Variants in CACNG6 observed in about 807,000 individuals in gnomAD.
CACNG6 encodes the protein calcium voltage-gated channel auxiliary subunit gamma 6, also known as voltage-dependent calcium channel gamma-6 subunit.
In CACNG6, 21 loss-of-function variants were observed where a neutral mutation model predicts 23.9. That is an observed-to-expected ratio of 0.88 (90% CI 0.62 to 1.26). The LOEUF (loss-of-function observed/expected upper bound fraction) is 1.26, where lower values mean the gene tolerates loss of function less well. CACNG6 is among the 50% of genes most tolerant of loss of function. The pLI, the probability that CACNG6 is intolerant of heterozygous loss-of-function variation, is 0.00. For missense variants in CACNG6, 340 were observed against 352.9 expected, an observed-to-expected ratio of 0.96 and a Z score of 0.29; for synonymous variants, 182 against 168.9, an observed-to-expected ratio of 1.08 and a Z score of -0.60.
rs1408374675 is a variant in CACNG6, at chr19:54,002,276, TTTTTTTTG to T, written c.544+2513_544+2520del. On this transcript the variant is annotated intron_variant, in intron 3 of 3. Coordinates refer to ENST00000252729, the MANE Select transcript of CACNG6 (RefSeq NM_145814.2). The stretch of plus-strand genomic sequence containing the variant: ...GCCCGGCTAATTTTCGGTTTTTTTG[TTTTTTTTG>T]TTTTTTTTTTTTTTGTAGAGATAGG... Among the ~76,000 whole-genome samples, 88 of 122,576 alleles carry T rather than the reference TTTTTTTTG, an allele frequency of 7.2e-4. 1 individual carries two copies. Among genetic ancestry groups the T allele is most frequent in the Middle Eastern group, 3.6e-3 (1 of 276 alleles). 80.4% of individuals were successfully genotyped at this position (122,576 alleles called of 152,430 possible).
chr19:54,008,148 T>C (rs1568818410), intron 3 of CACNG6, among the ~76,000 whole-genome samples: 1 of 151,498 alleles, frequency 6.6e-6, no homozygotes, highest in African/African-American at 2.4e-5. Context: ...AGGTCAGGAG[T>C]TTGAGACCAG....
intron 3 of CACNG6, among the ~76,000 whole-genome samples, chr19:54,004,636 C>A (rs889252009): frequency 2.0e-5 from 3 of 152,122 alleles, no homozygotes; most frequent in African/African-American, 7.2e-5. Context: ...TGACTCCCGG[C>A]GCCCTGCGAC....
Position 54,002,266 on chromosome 19 carries a change from G to GT in CACNG6, c.544+2495_544+2496insT, listed in dbSNP as rs1477319879. ...ATGCCGCCAAGCCCGGCTAATTTTC[G>GT]GTTTTTTTGTTTTTTTTGTTTTTTT... On this transcript the variant is annotated intron_variant, in intron 3 of 3. Transcript: ENST00000252729. Among the ~76,000 whole-genome samples, 199 of 126,390 alleles carry GT rather than the reference G, an allele frequency of 1.6e-3. 4 individuals are homozygous for GT. The highest frequency in any genetic ancestry group is 6.7e-3 in the African/African-American group (178 of 26,504). The allele number at this position is 126,390 out of a possible 152,430, so 82.9% of individuals were successfully genotyped here.
chr19:54,004,041 G>A (rs375181280), intron 3 of CACNG6, among the ~76,000 whole-genome samples: 5 of 152,222 alleles, frequency 3.3e-5, no homozygotes, highest in African/African-American at 1.2e-4. Context: ...ATTATTTGCA[G>A]AGATGAGGTC....
intron 1 of CACNG6, among the ~76,000 whole-genome samples, chr19:53,994,545 A>G (rs112171326): frequency 3.1e-4 from 47 of 152,202 alleles, no homozygotes; most frequent in African/African-American, 1.1e-3. Context: ...CATGGAAAAT[A>G]CCTGGCACTC....
intron 3 of CACNG6, among the ~76,000 whole-genome samples, chr19:54,010,716 A>G (rs1270628551): frequency 6.6e-6 from 1 of 151,920 alleles, no homozygotes; most frequent in Non-Finnish European, 1.5e-5. Flanking sequence ...CTGGGACTAC[A>G]AGCGTGCACC....
chr19:54,011,205 A>AAAAATATATATATATATATATAT (rs58054808), intron 3 of CACNG6, among the ~76,000 whole-genome samples: 6 of 102,500 alleles, frequency 5.9e-5, no homozygotes, highest in Non-Finnish European at 1.0e-4. Flanking sequence ...AAAAAAAAAA[A>AAAAATATATATATATATATATAT]ATATATATAT....
intron 1 of CACNG6, among the ~76,000 whole-genome samples, chr19:53,996,849 G>T (rs916627530): frequency 7.1e-6 from 1 of 141,400 alleles, no homozygotes; most frequent in Admixed American, 7.1e-5. Context: ...TATTGATTTT[G>T]TCTGATCTTT....
intron 3 of CACNG6, among the ~76,000 whole-genome samples, chr19:54,007,120 C>T (rs8104769): frequency 0.026 from 3,914 of 152,232 alleles, 175 homozygotes; most frequent in African/African-American, 0.088. Flanking sequence ...TCGATCTCAG[C>T]TCACTGCAGC....
intron 2 of CACNG6, among the ~76,000 whole-genome samples, 174 bp downstream of exon 2, chr19:53,998,487 G>T (rs1314563114): frequency 6.7e-6 from 1 of 150,256 alleles, no homozygotes; most frequent in Non-Finnish European, 1.5e-5. Flanking sequence ...TGGGGACATG[G>T]TGCTCTAGAG....
chr19:53,998,414 G>A, intron 2 of CACNG6, 101 bp downstream of exon 2: 1 of 1,030,160 alleles, frequency 9.7e-7, no homozygotes, highest in Non-Finnish European at 1.5e-6. Context: ...TTTACCCCAG[G>A]GCAGGTCTCG....
chr19:54,010,040 C>CTTTTTTTTT (rs34229634), intron 3 of CACNG6, among the ~76,000 whole-genome samples: 7 of 125,360 alleles, frequency 5.6e-5, no homozygotes, highest in African/African-American at 6.4e-5. Flanking sequence ...TCTTTTCTTT[C>CTTTTTTTTT]TTTTTTTTTT....
chr19:54,001,810 A>ATGTGACATTAATGTCACTGGTCC (rs2069578406), intron 3 of CACNG6, among the ~76,000 whole-genome samples: 1 of 152,290 alleles, frequency 6.6e-6, no homozygotes, highest in African/African-American at 2.4e-5. Context: ...CACTGCATTA[A>ATGTGACATTAATGTCACTGGTCC]TGTGACATTA....
At chr19:53,994,662 T>C (rs951486922) in intron 1 of CACNG6, among the ~76,000 whole-genome samples, 2 of 152,152 alleles carry the variant, frequency 1.3e-5, no homozygotes, top group Non-Finnish European at 2.9e-5. Context: ...TCAAAGAATA[T>C]GGCCTATTTT....
intron 1 of CACNG6, among the ~76,000 whole-genome samples, chr19:53,994,329 G>C (rs2069499398): frequency 6.6e-6 from 1 of 152,104 alleles, no homozygotes; most frequent in Non-Finnish European, 1.5e-5. Context: ...CAAATGCCCA[G>C]ACTGGACATT....
chr19:54,008,620 A>G (rs1466476418), intron 3 of CACNG6, among the ~76,000 whole-genome samples: 1 of 152,078 alleles, frequency 6.6e-6, no homozygotes, highest in Non-Finnish European at 1.5e-5. Flanking sequence ...CTTTTCTCCA[A>G]ACACTCTGTG....
chr19:53,995,911 C>T (rs1420106742), intron 1 of CACNG6, among the ~76,000 whole-genome samples: 3 of 152,226 alleles, frequency 2.0e-5, no homozygotes, highest in Admixed American at 2.0e-4. Context: ...ATCTGCCCGC[C>T]TCGGCCTCCC....
intron 1 of CACNG6, 143 bp downstream of exon 1, chr19:53,993,351 C>G (rs2069486370): frequency 1.3e-6 from 1 of 788,602 alleles, no homozygotes; most frequent in Non-Finnish European, 1.9e-6. Context: ...GCGCCAGTGC[C>G]CACTTCGTCC....
At chr19:53,996,996 G>A (rs1406922621) in intron 1 of CACNG6, among the ~76,000 whole-genome samples, 10 of 150,600 alleles carry the variant, frequency 6.6e-5, no homozygotes, top group Non-Finnish European at 1.3e-4. Flanking sequence ...AGCCTCCCGA[G>A]TAGCTGGGAT....
Sources: allele counts gnomAD v4.1 joint callset (sites outside exome capture counted in the v4.1 genomes callset), GRCh38; gene constraint gnomAD v4.1.1; transcripts MANE v1.5; gene names NCBI Gene and HGNC (gene_info 2026-07-23, HGNC 2026-07-21).